The following DLGAP2 variants were observed in gnomAD, a reference collection of about 807,000 sequenced individuals.
DLGAP2 encodes disks large-associated protein 2.
Under a neutral mutation model 100.3 loss-of-function variants are expected in DLGAP2, and 26 were observed. The observed-to-expected ratio is 0.26, with a 90% CI of 0.19 to 0.36. DLGAP2 has a LOEUF of 0.36. Ranked by LOEUF, DLGAP2 falls within the 10% of genes least tolerant of loss-of-function variation. The pLI, the probability that DLGAP2 is intolerant of heterozygous loss-of-function variation, is 1.00. For synonymous variants in DLGAP2, 886 were observed against 630.1 expected (o/e 1.41, Z -6.08); for missense variants, 1,858 against 1,453.2 (o/e 1.28, Z -4.53).
At chr8:1,509,451 G>A (rs1042959386) in intron 4 of DLGAP2, among the ~76,000 whole-genome samples, 5 of 152,070 alleles carry the variant, frequency 3.3e-5, no homozygotes, top group Non-Finnish European at 2.9e-5. Context: ...AGGTTCTGAT[G>A]TAAAATATAC....
At chr8:1,318,718 C>G (rs1293033339) in intron 3 of DLGAP2, among the ~76,000 whole-genome samples, 1 of 151,492 alleles carries the variant, frequency 6.6e-6, no homozygotes, top group East Asian at 1.9e-4. Flanking sequence ...TGAGTGGTTC[C>G]TATTCGTACT....
chr8:1,675,848 C>T (rs557294675), intron 10 of DLGAP2, among the ~76,000 whole-genome samples: 21 of 150,652 alleles, frequency 1.4e-4, no homozygotes, highest in African/African-American at 5.1e-4. Context: ...TTTTAGAGAA[C>T]GTACTGTACT....
chr8:938,776 A>G (rs1299157397), intron 2 of DLGAP2, among the ~76,000 whole-genome samples: 1 of 152,188 alleles, frequency 6.6e-6, no homozygotes, highest in Admixed American at 6.5e-5. Flanking sequence ...TGTGTGTCTC[A>G]GCACAGGGGC....
chr8:912,901 G>A (rs576326375), intron 2 of DLGAP2, among the ~76,000 whole-genome samples: 1 of 151,850 alleles, frequency 6.6e-6, no homozygotes, highest in Non-Finnish European at 1.5e-5. Context: ...TCCCCGCACT[G>A]TGGTGCCCGC....
At chr8:1,122,038 T>G (rs1367910903) in intron 2 of DLGAP2, among the ~76,000 whole-genome samples, 1 of 152,158 alleles carries the variant, frequency 6.6e-6, no homozygotes, top group Non-Finnish European at 1.5e-5. Flanking sequence ...AGGGATTGAG[T>G]GCATTTGCCC....
At chr8:788,801 G>T (rs986122148) in intron 1 of DLGAP2, among the ~76,000 whole-genome samples, 1 of 152,176 alleles carries the variant, frequency 6.6e-6, no homozygotes, top group African/African-American at 2.4e-5. Context: ...GGTGGGTTCT[G>T]TTCTACTTTA....
intron 2 of DLGAP2, among the ~76,000 whole-genome samples, chr8:927,403 G>A (rs1012993200): frequency 6.6e-6 from 1 of 152,166 alleles, no homozygotes; most frequent in African/African-American, 2.4e-5. Flanking sequence ...AGGCTCTTGG[G>A]TCTACCTGAG....
intron 14 of DLGAP2, among the ~76,000 whole-genome samples, chr8:1,697,620 G>A (rs1173964291): frequency 5.3e-5 from 8 of 152,226 alleles, no homozygotes; most frequent in Admixed American, 3.3e-4. Flanking sequence ...ATTCCTGACA[G>A]GGGTCTCACC....
intron 3 of DLGAP2, among the ~76,000 whole-genome samples, chr8:1,375,062 G>C (rs1057207830): frequency 1.3e-5 from 2 of 152,140 alleles, no homozygotes; most frequent in African/African-American, 4.8e-5. Context: ...CAGGAAATTA[G>C]ATTCTTAACA....
rs143100079 is a variant in DLGAP2, at chr8:1,212,584, G to T, written c.74-46267G>T. Among the ~76,000 whole-genome samples the T allele has an allele frequency of 2.6e-4, 40 of 152,276 alleles. 1 individual carries two copies. Among genetic ancestry groups the T allele is most frequent in the African/African-American group, 8.9e-4 (37 of 41,558 alleles). ...GAGAGAGACGTATTAACAAACTGCA[G>T]TCTAGAATGAGGAGGCAGACGTGGT... On this transcript the variant is annotated intron_variant, in intron 2 of 14. Coordinates refer to ENST00000637795, the MANE Select transcript of DLGAP2 (RefSeq NM_001346810.2).
chr8:1,215,213 T>C (rs531244847), intron 2 of DLGAP2, among the ~76,000 whole-genome samples: 2 of 152,288 alleles, frequency 1.3e-5, no homozygotes, highest in East Asian at 3.9e-4. Flanking sequence ...AAATATCAAA[T>C]TGGGAATGAA....
intron 2 of DLGAP2, among the ~76,000 whole-genome samples, chr8:920,068 G>A (rs1002843185): frequency 2.0e-5 from 3 of 152,194 alleles, no homozygotes; most frequent in African/African-American, 7.2e-5. Context: ...TCAGCAGAGC[G>A]AGAAGGTGGA....
At chr8:1,567,864 G>A (rs1802465200) in intron 6 of DLGAP2, among the ~76,000 whole-genome samples, 1 of 152,200 alleles carries the variant, frequency 6.6e-6, no homozygotes, top group South Asian at 2.1e-4. Flanking sequence ...GAAACCCTCT[G>A]GGAGTTCACT....
At chr8:1,028,105 G>T (rs1237565990) in intron 2 of DLGAP2, among the ~76,000 whole-genome samples, 1 of 137,200 alleles carries the variant, frequency 7.3e-6, no homozygotes, top group Non-Finnish European at 1.6e-5. Context: ...GGGGTGCCAG[G>T]GGCCCGTTAT....
At chr8:945,315 T>C (rs930725888) in intron 2 of DLGAP2, among the ~76,000 whole-genome samples, 6 of 152,198 alleles carry the variant, frequency 3.9e-5, no homozygotes, top group Non-Finnish European at 7.3e-5. Context: ...CTCCTTGGCC[T>C]GTCACCAGAA....
intron 12 of DLGAP2, among the ~76,000 whole-genome samples, chr8:1,684,357 T>G (rs1799058466): frequency 6.6e-6 from 1 of 152,082 alleles, no homozygotes; most frequent in African/African-American, 2.4e-5. Flanking sequence ...CAAGTTCAGA[T>G]ATTTCCCTAA....
chr8:1,235,059 C>A (rs1585175821), intron 2 of DLGAP2, among the ~76,000 whole-genome samples: 1 of 151,680 alleles, frequency 6.6e-6, no homozygotes, highest in South Asian at 2.1e-4. Context: ...CTAGTTCTCT[C>A]ACATGGCATC....
intron 6 of DLGAP2, among the ~76,000 whole-genome samples, chr8:1,592,799 A>C (rs915777642): frequency 4.6e-4 from 70 of 152,150 alleles, no homozygotes; most frequent in African/African-American, 1.5e-3. Context: ...ATCCCACAGT[A>C]ATTGTCAGGC....
At chr8:1,343,946 C>G (rs1215304482) in intron 3 of DLGAP2, among the ~76,000 whole-genome samples, 1 of 152,150 alleles carries the variant, frequency 6.6e-6, no homozygotes, top group African/African-American at 2.4e-5. Context: ...CCCTCCTGGC[C>G]GAGGGCAGGT....
Sources: allele counts gnomAD v4.1 joint callset (sites outside exome capture counted in the v4.1 genomes callset), GRCh38; gene constraint gnomAD v4.1.1; transcripts MANE v1.5; gene names NCBI Gene and HGNC (gene_info 2026-07-23, HGNC 2026-07-21).